Variants in DDX59 observed in about 807,000 individuals in gnomAD.
The protein encoded by DDX59 is DEAD-box helicase 59.
In DDX59, 30 loss-of-function variants were observed where a neutral mutation model predicts 51.9. That is an observed-to-expected ratio of 0.58 (90% CI 0.43 to 0.78). The LOEUF is 0.78. Among genes scored for constraint, DDX59 ranks in the 30% least tolerant of loss-of-function variants. DDX59 has a pLI of 0.00. For missense variants in DDX59, 672 were observed against 730.8 expected (o/e 0.92, Z 0.93); for synonymous variants, 255 against 253.3 (o/e 1.01, Z -0.06).
chr1:200,667,366 C>T (rs1435256918), intron 1 of DDX59, among the ~76,000 whole-genome samples: 1 of 152,198 alleles, frequency 6.6e-6, no homozygotes, highest in East Asian at 1.9e-4. Context: ...CTCACCATTG[C>T]ACTCCAACCT....
chr1:200,643,824 A>C (rs1661126503), downstream of DDX59, among the ~76,000 whole-genome samples: 1 of 152,154 alleles, frequency 6.6e-6, no homozygotes, highest in Non-Finnish European at 1.5e-5. Context: ...TTTATCTTTC[A>C]AAAGTGGTTC....
At chr1:200,659,240 G>C (rs972703827) in intron 3 of DDX59, 124 bp from the exon 4 acceptor site, 3 of 667,922 alleles carry the variant, frequency 4.5e-6, no homozygotes, top group Non-Finnish European at 7.9e-6. Flanking sequence ...ATTCAGTGAT[G>C]AATAAGCCAG....
Position 200,669,895 on chromosome 1 carries a change from T to TGCGGGGCGGTGCGGGGCGGGGCGGA in DDX59, c.-141_-140insTCCGCCCCGCCCCGCACCGCCCCGC, listed in dbSNP as rs141196498. On this transcript the variant is annotated 5_prime_UTR_variant, in exon 1 of 8. Transcript: ENST00000331314. ...CAGGACTGCGGCCCGGGGTTGGTGG[T>TGCGGGGCGGTGCGGGGCGGGGCGGA]GCGGAGCGGAGCGGAGCGGAGCGTA... 6 of 122,294 alleles carry TGCGGGGCGGTGCGGGGCGGGGCGGA rather than the reference T, an allele frequency of 4.9e-5. No homozygotes were observed. The highest frequency in any genetic ancestry group is 1.3e-4 in the African/African-American group (5 of 37,358). The allele number at this position is 122,294 out of a possible 1,614,324, so 7.6% of individuals were successfully genotyped here.
downstream of DDX59, among the ~76,000 whole-genome samples, chr1:200,643,721 G>C (rs2102824427): frequency 7.9e-6 from 1 of 125,872 alleles, no homozygotes; most frequent in South Asian, 2.7e-4. Flanking sequence ...ATAACACAAT[G>C]ACATTATTTT....
At chr1:200,641,533 G>A (rs1165728197), downstream of DDX59, among the ~76,000 whole-genome samples, 1 of 150,234 alleles carries the variant, frequency 6.7e-6, no homozygotes, top group African/African-American at 2.5e-5. Context: ...TGGAGTTTGA[G>A]ACCAGCCTGA....
chr1:200,642,990 C>T (rs1046378215), downstream of DDX59, among the ~76,000 whole-genome samples: 4 of 152,102 alleles, frequency 2.6e-5, no homozygotes, highest in Non-Finnish European at 5.9e-5. Context: ...ATTAAGTAAA[C>T]CAGTGGGGTT....
chr1:200,655,675 T>C (rs1260844996), intron 4 of DDX59, among the ~76,000 whole-genome samples: 2 of 152,208 alleles, frequency 1.3e-5, no homozygotes, highest in South Asian at 2.1e-4. Flanking sequence ...GAAGAACTGA[T>C]ACATCCTCTA....
chr1:200,647,971 C>G (rs1477113575), intron 7 of DDX59, among the ~76,000 whole-genome samples: 2 of 85,168 alleles, frequency 2.3e-5, no homozygotes, highest in South Asian at 8.2e-4. Context: ...GAGACTGTCT[C>G]AAAAAAAAAA....
chr1:200,641,429 T>C (rs1474277284), downstream of DDX59, among the ~76,000 whole-genome samples: 1 of 150,764 alleles, frequency 6.6e-6, no homozygotes, highest in Non-Finnish European at 1.5e-5. Flanking sequence ...CTTTGACTTG[T>C]TGAATAAAAA....
At chr1:200,648,117 G>A (rs1355363149) in intron 7 of DDX59, among the ~76,000 whole-genome samples, 6 of 151,452 alleles carry the variant, frequency 4.0e-5, no homozygotes, top group Admixed American at 6.6e-5. Context: ...CCCTCCTGCC[G>A]AGTTCAAGCG....
At chr1:200,662,756 C>T (rs34796243) in intron 3 of DDX59, among the ~76,000 whole-genome samples, 2,128 of 152,280 alleles carry the variant, frequency 0.014, 28 homozygotes, top group Non-Finnish European at 0.022. Context: ...GTTATCCATT[C>T]GTTGCAATGA....
chr1:200,659,859 G>GC (rs1366022458), intron 3 of DDX59, among the ~76,000 whole-genome samples: 2 of 151,848 alleles, frequency 1.3e-5, no homozygotes, highest in Non-Finnish European at 2.9e-5. Context: ...CTAATTTTTT[G>GC]TTTTTTTGCA....
chr1:200,641,127 A>G (rs1229917282), downstream of DDX59: 6 of 1,284,008 alleles, frequency 4.7e-6, no homozygotes, highest in East Asian at 3.3e-4. Flanking sequence ...ATGACACGTT[A>G]CCTCTTGTAC....
intron 5 of DDX59, among the ~76,000 whole-genome samples, chr1:200,650,029 A>G (rs918444450): frequency 2.6e-5 from 4 of 151,932 alleles, no homozygotes; most frequent in Non-Finnish European, 4.4e-5. Context: ...TATTTTTAGT[A>G]GAGACGGGGT....
chr1:200,648,109 C>G (rs1239239656), intron 7 of DDX59, among the ~76,000 whole-genome samples: 1 of 151,772 alleles, frequency 6.6e-6, no homozygotes, highest in African/African-American at 2.4e-5. Context: ...CTGCAACCCC[C>G]TCCTGCCGAG....
intron 3 of DDX59, among the ~76,000 whole-genome samples, chr1:200,660,556 G>C (rs1165666080): frequency 6.6e-6 from 1 of 152,054 alleles, no homozygotes; most frequent in African/African-American, 2.4e-5. Context: ...GCGGGAGGTA[G>C]GCTACATAGA....
At chr1:200,643,076 T>C (rs1661095270), downstream of DDX59, among the ~76,000 whole-genome samples, 1 of 152,132 alleles carries the variant, frequency 6.6e-6, no homozygotes, top group Non-Finnish European at 1.5e-5. Context: ...ATAGTTTCCT[T>C]TCCAGAACTT....
chr1:200,664,845 T>C (rs953301766), intron 2 of DDX59, among the ~76,000 whole-genome samples: 1 of 152,144 alleles, frequency 6.6e-6, no homozygotes, highest in African/African-American at 2.4e-5. Context: ...CCGGCTAATT[T>C]TGTATTTTTA....
chr1:200,643,732 G>C (rs1237558578), downstream of DDX59, among the ~76,000 whole-genome samples: 2 of 67,582 alleles, frequency 3.0e-5, no homozygotes, highest in Non-Finnish European at 9.4e-5. Context: ...ACATTATTTT[G>C]ATAAGTAGCC....
Sources: allele counts gnomAD v4.1 joint callset (sites outside exome capture counted in the v4.1 genomes callset), GRCh38; gene constraint gnomAD v4.1.1; transcripts MANE v1.5; gene names NCBI Gene and HGNC (gene_info 2026-07-23, HGNC 2026-07-21).